The following LPP variants were observed in gnomAD, a reference collection of about 807,000 sequenced individuals.
LPP encodes LIM domain containing preferred translocation partner in lipoma, also known as lipoma-preferred partner.
A neutral mutation model predicts 60.4 loss-of-function variants in LPP; 38 were observed. The ratio of observed to expected loss-of-function variants is 0.63; its 90% CI spans 0.49 to 0.83. The LOEUF is 0.83. Among genes scored for constraint, LPP ranks in the 40% least tolerant of loss-of-function variants. The probability of loss-of-function intolerance (pLI) is 0.00; values close to 1 mark genes in which losing one functional copy is unlikely to be tolerated. For missense variants in LPP, 902 were observed against 783.6 expected (o/e 1.15, Z -1.80); for synonymous variants, 328 against 290.8 (o/e 1.13, Z -1.30).
intron 4 of LPP, among the ~76,000 whole-genome samples, chr3:188,436,460 A>G (rs1199077504): frequency 6.6e-6 from 1 of 152,218 alleles, no homozygotes; most frequent in Non-Finnish European, 1.5e-5. Flanking sequence ...TGGACAGTGC[A>G]GATATTACTT....
intron 8 of LPP, among the ~76,000 whole-genome samples, chr3:188,759,812 G>A (rs1486529297): frequency 6.6e-6 from 1 of 152,152 alleles, no homozygotes; most frequent in East Asian, 1.9e-4. Context: ...ATGAGAGTCA[G>A]AGCACTGACC....
chr3:188,454,673 G>T (rs1160559500), intron 4 of LPP, among the ~76,000 whole-genome samples: 1 of 152,142 alleles, frequency 6.6e-6, no homozygotes, highest in Admixed American at 6.5e-5. Context: ...ATCATGGTGG[G>T]AGGTGAAAGG....
intron 5 of LPP, among the ~76,000 whole-genome samples, chr3:188,494,542 C>A (rs1809373910): frequency 6.6e-6 from 1 of 152,108 alleles, no homozygotes; most frequent in Non-Finnish European, 1.5e-5. Flanking sequence ...AAGAGCCTTG[C>A]CCCACCCCTC....
chr3:188,339,665 G>A (rs1366987976), intron 2 of LPP, among the ~76,000 whole-genome samples: 1 of 152,150 alleles, frequency 6.6e-6, no homozygotes, highest in Non-Finnish European at 1.5e-5. Context: ...AGAACAGCAT[G>A]GGGGAAATTG....
chr3:188,276,363 T>C (rs1739695499), intron 2 of LPP, among the ~76,000 whole-genome samples: 1 of 152,224 alleles, frequency 6.6e-6, no homozygotes, highest in Non-Finnish European at 1.5e-5. Context: ...GCTAGTTCCT[T>C]GATTGATCTC....
chr3:188,273,589 C>CTTTTTTTTTTTTT (rs11380757), intron 2 of LPP, among the ~76,000 whole-genome samples: 122 of 80,400 alleles, frequency 1.5e-3, no homozygotes, highest in Non-Finnish European at 1.6e-3. Flanking sequence ...TATTTTATAT[C>CTTTTTTTTTTTTT]TTTTTTTTTT....
intron 7 of LPP, among the ~76,000 whole-genome samples, chr3:188,613,941 T>TTATTTATA (rs989785818): frequency 1.3e-4 from 19 of 151,560 alleles, no homozygotes; most frequent in Middle Eastern, 6.9e-3. Flanking sequence ...ATTTATTTAT[T>TTATTTATA]TTTTGAGAGG....
chr3:188,490,677 T>G (rs1056337847), intron 5 of LPP, among the ~76,000 whole-genome samples: 2 of 151,936 alleles, frequency 1.3e-5, no homozygotes, highest in African/African-American at 2.4e-5. Context: ...TTTTCCTACT[T>G]ACTAATTTTA....
At chr3:188,536,943 T>C (rs1200668276) in intron 6 of LPP, among the ~76,000 whole-genome samples, 1 of 152,218 alleles carries the variant, frequency 6.6e-6, no homozygotes, top group East Asian at 1.9e-4. Context: ...TTCTTGGCTC[T>C]CTCCGTCACC....
At chr3:188,176,329 A>G (rs973458901) in intron 1 of LPP, among the ~76,000 whole-genome samples, 2 of 152,138 alleles carry the variant, frequency 1.3e-5, no homozygotes, top group Admixed American at 6.5e-5. Context: ...AAATAAATAA[A>G]TAAATTTAAA....
chr3:188,340,921 C>A (rs1762888192), intron 2 of LPP, among the ~76,000 whole-genome samples: 1 of 152,094 alleles, frequency 6.6e-6, no homozygotes, highest in South Asian at 2.1e-4. Context: ...CTCTCTATAA[C>A]CATATATATG....
intron 7 of LPP, among the ~76,000 whole-genome samples, chr3:188,619,120 GT>G (rs1193386656): frequency 1.3e-5 from 2 of 152,134 alleles, no homozygotes; most frequent in African/African-American, 4.8e-5. Context: ...TGCCTCCCGG[GT>G]TCAAGTGATT....
At chr3:188,240,602 T>C (rs1577481491) in intron 2 of LPP, among the ~76,000 whole-genome samples, 2 of 152,280 alleles carry the variant, frequency 1.3e-5, no homozygotes, top group African/African-American at 4.8e-5. Flanking sequence ...GTTAGGATAT[T>C]AGACCAGCAA....
intron 9 of LPP, among the ~76,000 whole-genome samples, chr3:188,810,929 G>C (rs534497905): frequency 2.0e-5 from 3 of 152,046 alleles, no homozygotes; most frequent in African/African-American, 7.2e-5. Flanking sequence ...GTAGACATTT[G>C]AATTATTTAT....
At chr3:188,310,795 A>C (rs1753160997) in intron 2 of LPP, among the ~76,000 whole-genome samples, 1 of 152,060 alleles carries the variant, frequency 6.6e-6, no homozygotes, top group Admixed American at 6.6e-5. Context: ...TGTTGGGTGG[A>C]ATGTGTGTGG....
In LPP at chr3:188,352,860, A is replaced by G. The variant is rs1458840520; in HGVS notation, c.-10+11141A>G. Among the ~76,000 whole-genome samples the G allele has an allele frequency of 2.0e-5, 3 of 152,192 alleles. No homozygotes were observed. Among genetic ancestry groups the G allele is most frequent in the Non-Finnish European group, 1.5e-5 (1 of 68,022 alleles). On this transcript the variant is annotated intron_variant, in intron 3 of 11. Coordinates refer to ENST00000617246, the MANE Select transcript of LPP (RefSeq NM_001375462.1). The surrounding 1 kb of genome is among the most constrained non-coding windows in gnomAD (Gnocchi z 4.4). ...AGGCAGCGACGGGAAAGTGAAGGAG[A>G]GTAAGAAGCCCAGAGTAAATGGCCA...
At chr3:188,669,444 CGG>C (rs1856500230) in intron 7 of LPP, among the ~76,000 whole-genome samples, 1 of 151,922 alleles carries the variant, frequency 6.6e-6, no homozygotes, top group Non-Finnish European at 1.5e-5. Flanking sequence ...GGCGTGGTGG[CGG>C]GCACCTGTAG....
At chr3:188,826,050 T>C (rs1032816776) in intron 9 of LPP, among the ~76,000 whole-genome samples, 1 of 152,208 alleles carries the variant, frequency 6.6e-6, no homozygotes, top group Admixed American at 6.5e-5. Context: ...TGGGTCTTTA[T>C]GTGTGCTACT....
rs1184007634 is a variant in LPP, at chr3:188,413,314, ATACAAATGGGAAACATCTTTTTTGGAGGT to A, written c.193+7024_193+7052del. ...AGAGAATCTTGCTCTGACTTTGGAG[ATACAAATGGGAAACATCTTTTTTGGAGGT>A]TACAAATGGGAAACATCTTTTTGTA... is the stretch of plus-strand genomic sequence containing the variant. On this transcript the variant is annotated intron_variant, in intron 4 of 11. Transcript: ENST00000617246. Among the ~76,000 whole-genome samples the A allele has an allele frequency of 2.0e-5, 3 of 152,046 alleles. No individual in the cohort carries two copies. In the East Asian group the frequency reaches 5.8e-4, roughly 29 times the overall value.
Sources: allele counts gnomAD v4.1 joint callset (sites outside exome capture counted in the v4.1 genomes callset), GRCh38; gene constraint gnomAD v4.1.1; non-coding constraint Gnocchi (gnomAD v3.1); transcripts MANE v1.5; gene names NCBI Gene and HGNC (gene_info 2026-07-23, HGNC 2026-07-21).